The following EML5 variants were observed in gnomAD, a reference collection of about 807,000 sequenced individuals.
EML5 encodes the protein EMAP like 5, also known as echinoderm microtubule-associated protein-like 5.
A neutral mutation model predicts 250.0 loss-of-function variants in EML5; 120 were observed. The observed-to-expected ratio is 0.48, with a 90% CI of 0.41 to 0.56. The LOEUF (loss-of-function observed/expected upper bound fraction) is 0.56, where lower values mean the gene tolerates loss of function less well. Among genes scored for constraint, EML5 ranks in the 20% least tolerant of loss-of-function variants. The pLI is 0.00. For missense variants in EML5, 2,006 were observed against 2,437.6 expected (o/e 0.82, Z 3.73); for synonymous variants, 771 against 806.5 (o/e 0.96, Z 0.75).
At chr14:88,761,570 C>T (rs1378188817) in intron 1 of EML5, among the ~76,000 whole-genome samples, 3 of 152,174 alleles carry the variant, frequency 2.0e-5, no homozygotes, top group Non-Finnish European at 4.4e-5. Context: ...TGTGTATGTG[C>T]CACATTTTCT....
At position 88,792,379 on chromosome 14, in the gene EML5, C is replaced by T; in HGVS notation, c.125G>A (p.Gly42Glu). ...CCGCGGGCTGTACACCACGCCGACC[C>T]CCGCCACGAAGTATACGATCTCCTT... ...AAKEIVYFVA[G>E]VGVVYSPREH... The change falls in exon 1 of 44, where the codon GGG (glycine) becomes GAG (glutamate). Residue 42 changes from glycine (G) to glutamate (E), a missense_variant. Physicochemically the swap from Gly to Glu is moderately conservative, Grantham distance 98. This residue lies in a region of EML5 where 162 missense variants were observed against 212.2 expected (regional missense o/e 0.76). Transcript: ENST00000554922. The surrounding 1 kb of genome is among the most constrained non-coding windows in gnomAD (Gnocchi z 6.9). 1 of 1,571,234 alleles carries T rather than the reference C, an allele frequency of 6.4e-7. No homozygotes were observed. The highest frequency in any genetic ancestry group is 8.6e-7 in the Non-Finnish European group (1 of 1,160,296).
chr14:88,694,231 C>T, intron 17 of EML5, 76 bp downstream of exon 17: 1 of 982,200 alleles, frequency 1.0e-6, no homozygotes, highest in Non-Finnish European at 1.6e-6. Flanking sequence ...AGGGTACACA[C>T]TGCACTTAGC....
intron 8 of EML5, among the ~76,000 whole-genome samples, chr14:88,717,749 C>T (rs1331586220): frequency 1.5e-5 from 2 of 131,384 alleles, no homozygotes; most frequent in Admixed American, 8.0e-5. Context: ...GGCGAGACTC[C>T]GTCTCAAAAC....
intron 33 of EML5, among the ~76,000 whole-genome samples, chr14:88,633,874 G>A (rs12589789): frequency 0.18 from 27,912 of 152,068 alleles, 3,099 homozygotes; most frequent in East Asian, 0.47. Flanking sequence ...GCCTTCCAAA[G>A]CACTGGGATT....
chr14:88,716,324 C>T (rs1665737602), intron 8 of EML5, among the ~76,000 whole-genome samples: 1 of 152,114 alleles, frequency 6.6e-6, no homozygotes, highest in South Asian at 2.1e-4. Flanking sequence ...TTTCCCTGGT[C>T]AACATCACTT....
intron 1 of EML5, among the ~76,000 whole-genome samples, chr14:88,787,420 C>G (rs1455243100): frequency 6.6e-6 from 1 of 152,108 alleles, no homozygotes; most frequent in Admixed American, 6.6e-5. Flanking sequence ...ATTCATTATT[C>G]CACGTTTTCC....
intron 32 of EML5, among the ~76,000 whole-genome samples, chr14:88,638,488 C>T (rs1291495849): frequency 5.3e-5 from 8 of 152,208 alleles, no homozygotes; most frequent in Non-Finnish European, 1.0e-4. Flanking sequence ...TCAAACTCCT[C>T]TTTTCTGCTT....
At chr14:88,789,443 G>T (rs923423294) in intron 1 of EML5, among the ~76,000 whole-genome samples, 2 of 152,170 alleles carry the variant, frequency 1.3e-5, no homozygotes, top group Non-Finnish European at 2.9e-5. Context: ...AGAACTACAA[G>T]CAACACTGAG....
At chr14:88,759,966 A>T (rs971761675) in intron 1 of EML5, among the ~76,000 whole-genome samples, 1 of 152,136 alleles carries the variant, frequency 6.6e-6, no homozygotes, top group Non-Finnish European at 1.5e-5. Flanking sequence ...GACTACTCAC[A>T]TGGACTAATT....
At chr14:88,788,227 T>C (rs2140873693) in intron 1 of EML5, among the ~76,000 whole-genome samples, 1 of 152,324 alleles carries the variant, frequency 6.6e-6, no homozygotes, top group Non-Finnish European at 1.5e-5. Context: ...TGAATCGCTT[T>C]TCCAATTACA....
At chr14:88,698,044 AT>A (rs2093121298) in intron 14 of EML5, among the ~76,000 whole-genome samples, 1 of 152,098 alleles carries the variant, frequency 6.6e-6, no homozygotes, top group African/African-American at 2.4e-5. Flanking sequence ...GCCGAGATTG[AT>A]TTTATAAAAA....
chr14:88,660,211 A>G (rs552652946), intron 25 of EML5, among the ~76,000 whole-genome samples: 3 of 151,634 alleles, frequency 2.0e-5, no homozygotes, highest in Admixed American at 1.3e-4. Context: ...TGGGTCTGGA[A>G]GGTCGATGCT....
rs1222812749 is a variant in EML5 at position 88,627,051 on chromosome 14, C to T, written c.4532-5G>A. 6.2e-7 allele frequency: 1 copy of T among 1,613,218 alleles called. No individual in the cohort carries two copies. Among genetic ancestry groups the T allele is most frequent in the African/African-American group, 1.3e-5 (1 of 74,856 alleles). ...CTCTGCTGGCAATTTTGGCACCTGA[C>T]AAGATACAACAAAATTATCTAGGTT... On this transcript the variant is annotated splice_polypyrimidine_tract_variant and splice_region_variant and intron_variant, in intron 34 of 43. Transcript: ENST00000554922.
At chr14:88,616,544 G>A (rs1031264084) in intron 42 of EML5, 182 bp downstream of exon 42, 2 of 630,134 alleles carry the variant, frequency 3.2e-6, no homozygotes, top group Non-Finnish European at 2.7e-6. Context: ...TCCAAAGATG[G>A]TATTACTCGA....
intron 7 of EML5, among the ~76,000 whole-genome samples, chr14:88,727,663 G>A (rs542183231): frequency 1.3e-5 from 2 of 152,268 alleles, no homozygotes; most frequent in South Asian, 4.1e-4. Flanking sequence ...CTCCCAAAGT[G>A]CTGGGATTAC....
At chr14:88,686,473 G>A (rs1450312248) in intron 19 of EML5, among the ~76,000 whole-genome samples, 2 of 151,982 alleles carry the variant, frequency 1.3e-5, no homozygotes, top group African/African-American at 4.8e-5. Context: ...AGGATGGTCG[G>A]CGGACAGGGA....
intron 16 of EML5, among the ~76,000 whole-genome samples, chr14:88,694,841 T>C (rs2141328028): frequency 6.6e-6 from 1 of 152,306 alleles, no homozygotes; most frequent in South Asian, 2.1e-4. Flanking sequence ...TGCTTTAACA[T>C]CGCTTTAATA....
intron 36 of EML5, 99 bp downstream of exon 36, chr14:88,624,871 G>C (rs1205696929): frequency 2.2e-6 from 3 of 1,350,228 alleles, no homozygotes; most frequent in Non-Finnish European, 3.0e-6. Context: ...AGGTCGGAGA[G>C]GACACTCTGT....
intron 1 of EML5, among the ~76,000 whole-genome samples, chr14:88,788,534 G>C (rs2094573403): frequency 6.9e-6 from 1 of 144,834 alleles, no homozygotes; most frequent in Non-Finnish European, 1.5e-5. Flanking sequence ...CTTTCACTAT[G>C]TTAAAAAAAA....
Sources: allele counts gnomAD v4.1 joint callset (sites outside exome capture counted in the v4.1 genomes callset), GRCh38; gene constraint gnomAD v4.1.1; regional missense constraint gnomAD v4.1.1; non-coding constraint Gnocchi (gnomAD v3.1); transcripts MANE v1.5; gene names NCBI Gene and HGNC (gene_info 2026-07-23, HGNC 2026-07-21).